EFCAB5: variants seen among roughly 807,000 people sequenced by gnomAD.
EFCAB5 encodes the protein EF-hand calcium-binding domain-containing protein 5.
EFCAB5 carries 131 observed loss-of-function variants against 167.9 expected under a neutral mutation model. That is an observed-to-expected ratio of 0.78 (90% confidence interval 0.68 to 0.90). The LOEUF (loss-of-function observed/expected upper bound fraction) is 0.90, where lower values mean the gene tolerates loss of function less well. Among genes scored for constraint, EFCAB5 ranks in the 40% least tolerant of loss-of-function variants. The pLI, the probability that EFCAB5 is intolerant of heterozygous loss-of-function variation, is 0.00. For synonymous variants in EFCAB5, 574 were observed against 602.8 expected (o/e 0.95, Z 0.70); for missense variants, 1,663 against 1,745.2 (o/e 0.95, Z 0.84).
At chr17:30,096,738 G>A (rs1265320137) in intron 22 of EFCAB5, among the ~76,000 whole-genome samples, 2 of 132,262 alleles carry the variant, frequency 1.5e-5, no homozygotes, top group African/African-American at 5.9e-5. Flanking sequence ...GGAATGCAGT[G>A]GCCCAATCTC....
chr17:30,029,389 T>C (rs2069417204), intron 7 of EFCAB5, among the ~76,000 whole-genome samples: 1 of 152,212 alleles, frequency 6.6e-6, no homozygotes, highest in East Asian at 1.9e-4. Context: ...TAATGAGGTG[T>C]TGAGTAGCTC....
rs746735380 is a variant in EFCAB5, at chr17:29,941,883, G to A, written c.42+45G>A. On this transcript the variant is annotated intron_variant, in intron 1 of 22. Coordinates refer to ENST00000394835, the MANE Select transcript of EFCAB5 (RefSeq NM_198529.4). ...TTATCACATTTATGGGAAGATTTGA[G>A]ATTCAACATTCTTGGGAAAATTGAG... The A allele has an allele frequency of 2.6e-5, 40 of 1,548,140 alleles. No individual in the cohort carries two copies. The Middle Eastern group carries it at 1.5e-3, about 58-fold the overall frequency.
chr17:30,041,392 T>C (rs2069770081), intron 8 of EFCAB5, among the ~76,000 whole-genome samples: 2 of 152,170 alleles, frequency 1.3e-5, no homozygotes, highest in Admixed American at 1.3e-4. Flanking sequence ...ATAGTGGAAA[T>C]AGCAAGAAAA....
chr17:30,051,296 T>C, intron 9 of EFCAB5, 79 bp downstream of exon 9: 1 of 1,179,396 alleles, frequency 8.5e-7, no homozygotes, highest in Non-Finnish European at 1.2e-6. Context: ...TACACTGATA[T>C]GTTAACACAA....
At chr17:30,015,033 GA>G (rs1168408459) in intron 7 of EFCAB5, among the ~76,000 whole-genome samples, 1 of 152,108 alleles carries the variant, frequency 6.6e-6, no homozygotes, top group African/African-American at 2.4e-5. Context: ...GTCTGTAAAG[GA>G]TTTTATTTCT....
chr17:29,968,859 G>C lies in EFCAB5; in HGVS notation c.259G>C (p.Gly87Arg), dbSNP rs1224157723. The change falls in exon 4 of 23, where the codon GGT (glycine) becomes CGT (arginine). Residue 87 changes from glycine (G) to arginine (R), a missense_variant. Gly to Arg is a moderately radical substitution (Grantham distance 125). Coordinates refer to ENST00000394835, the MANE Select transcript of EFCAB5 (RefSeq NM_198529.4). ...AAAGGACTCTAAAACTGAAGCCTCA[G>C]GTAATATTGCAATTAGAAAATCTGC... ...SIKDSKTEAS[G>R]NIAIRKSAKV... 6.4e-7 allele frequency: 1 copy of C among 1,558,618 alleles called. No homozygotes were observed. Among genetic ancestry groups the C allele is most frequent in the East Asian group, 2.4e-5 (1 of 42,334 alleles).
intron 7 of EFCAB5, among the ~76,000 whole-genome samples, chr17:30,030,375 G>A (rs551903665): frequency 1.9e-4 from 29 of 152,276 alleles, no homozygotes; most frequent in Admixed American, 4.6e-4. Flanking sequence ...AGTCTCGCTC[G>A]CTCTGTTGCC....
At chr17:29,942,341 G>T in intron 2 of EFCAB5, 39 bp downstream of exon 2, 1 of 1,487,188 alleles carries the variant, frequency 6.7e-7, no homozygotes, top group Non-Finnish European at 9.0e-7. Flanking sequence ...TAATGCTGGA[G>T]AATAAGCTAG....
At chr17:29,947,429 G>A (rs938760363) in intron 3 of EFCAB5, among the ~76,000 whole-genome samples, 8 of 152,072 alleles carry the variant, frequency 5.3e-5, no homozygotes, top group Admixed American at 4.6e-4. Context: ...GAGGGTGGAA[G>A]GAGGGGCAAG....
upstream of EFCAB5, among the ~76,000 whole-genome samples, chr17:29,938,023 C>G (rs1017562466): frequency 1.3e-5 from 2 of 152,142 alleles, no homozygotes; most frequent in Admixed American, 6.5e-5. Context: ...CTACAGAGCT[C>G]TTTCTCAAAG....
chr17:30,051,336 C>T (rs2070091390), intron 9 of EFCAB5, 119 bp downstream of exon 9: 3 of 751,070 alleles, frequency 4.0e-6, no homozygotes, highest in Non-Finnish European at 6.4e-6. Context: ...AATCCCTTCA[C>T]ATAATAGCTC....
intron 4 of EFCAB5, among the ~76,000 whole-genome samples, chr17:29,976,450 T>A (rs1359645150): frequency 6.6e-6 from 1 of 152,208 alleles, no homozygotes; most frequent in Non-Finnish European, 1.5e-5. Flanking sequence ...AAATCCAAGA[T>A]CTGTATGTCA....
At chr17:29,938,330 G>T (rs377739507), upstream of EFCAB5, among the ~76,000 whole-genome samples, 1 of 152,142 alleles carries the variant, frequency 6.6e-6, no homozygotes, top group East Asian at 1.9e-4. Flanking sequence ...GCTAACAATC[G>T]TATGAGCCTT....
At chr17:29,977,184 T>C (rs1289753228) in intron 4 of EFCAB5, among the ~76,000 whole-genome samples, 2 of 152,176 alleles carry the variant, frequency 1.3e-5, no homozygotes, top group Non-Finnish European at 2.9e-5. Context: ...TTGAAGGTCA[T>C]TACCACCTTA....
chr17:30,084,466 C>A (rs2071047726), intron 18 of EFCAB5, among the ~76,000 whole-genome samples: 1 of 152,178 alleles, frequency 6.6e-6, no homozygotes, highest in Admixed American at 6.5e-5. Flanking sequence ...AAGTTCAGAA[C>A]CAAGAGTCCA....
intron 13 of EFCAB5, 82 bp from the exon 14 acceptor site, chr17:30,059,463 C>CT: frequency 3.6e-6 from 5 of 1,406,350 alleles, no homozygotes; most frequent in East Asian, 2.4e-5. Context: ...AGACGCTGGA[C>CT]TTTTTTTGGA....
At chr17:30,002,951 A>G (rs1254461450) in intron 7 of EFCAB5, among the ~76,000 whole-genome samples, 5 of 152,076 alleles carry the variant, frequency 3.3e-5, no homozygotes, top group African/African-American at 1.2e-4. Context: ...AATTTTCCTC[A>G]GTAGGTAAAG....
chr17:29,991,805 A>G (rs913863066), intron 4 of EFCAB5, among the ~76,000 whole-genome samples: 9 of 152,244 alleles, frequency 5.9e-5, no homozygotes, highest in African/African-American at 2.2e-4. Flanking sequence ...GGAAGAGAGA[A>G]GCTCACTACC....
chr17:29,965,779 A>G (rs1209231024), intron 3 of EFCAB5, among the ~76,000 whole-genome samples: 1 of 152,218 alleles, frequency 6.6e-6, no homozygotes, highest in Non-Finnish European at 1.5e-5. Flanking sequence ...ATTTTATTCC[A>G]TTGATCTATG....
Sources: allele counts gnomAD v4.1 joint callset (sites outside exome capture counted in the v4.1 genomes callset), GRCh38; gene constraint gnomAD v4.1.1; transcripts MANE v1.5; gene names NCBI Gene and HGNC (gene_info 2026-07-23, HGNC 2026-07-21).